CSMD1: variants seen among roughly 807,000 people sequenced by gnomAD.
CSMD1 encodes CUB and Sushi multiple domains 1, also known as CUB and sushi domain-containing protein 1.
CSMD1 carries 213 observed loss-of-function variants against 417.5 expected under a neutral mutation model. The observed-to-expected ratio is 0.51, with a 90% CI of 0.46 to 0.57. CSMD1 has a LOEUF of 0.57. CSMD1 is among the 20% of genes least tolerant of loss of function. CSMD1 has a pLI of 0.00. For missense variants in CSMD1, 6,923 were observed against 4,529.7 expected (o/e 1.53, Z -15.17); for synonymous variants, 2,862 against 1,736.8 (o/e 1.65, Z -16.11).
At chr8:3,791,678 C>A (rs988393406) in intron 5 of CSMD1, among the ~76,000 whole-genome samples, 6 of 152,110 alleles carry the variant, frequency 3.9e-5, no homozygotes, top group African/African-American at 1.4e-4. Flanking sequence ...CAAAAATTAG[C>A]TGGGCACGAT....
chr8:4,371,218 T>C lies in CSMD1; in HGVS notation c.415+48735A>G, dbSNP rs999440189. ...CTCAGCTCCACACTGCTGGGCTACATGCTCTCACCGTGGGGGATTAGGACC... is the reference window on the plus strand; with the variant it reads ...CTCAGCTCCACACTGCTGGGCTACACGCTCTCACCGTGGGGGATTAGGACC... On this transcript the variant is annotated intron_variant, in intron 3 of 69. Transcript: ENST00000635120. Among the ~76,000 whole-genome samples the C allele has an allele frequency of 2.6e-5, 4 of 152,178 alleles. No individual in the cohort carries two copies. The South Asian group carries it at 8.3e-4, about 31-fold the overall frequency.
rs535642508 is a variant in CSMD1, at chr8:2,939,292, T to C, written c.10536-548A>G. Reference sequence around the variant, plus strand: ...CATATGCCTAGCCTTTAGCACGGTATGCTTACACTAAATTTCAAGTTTAAG... The same window carrying C: ...CATATGCCTAGCCTTTAGCACGGTACGCTTACACTAAATTTCAAGTTTAAG... On this transcript the variant is annotated intron_variant, in intron 69 of 69. Transcript: ENST00000635120. Among the ~76,000 whole-genome samples the C allele has an allele frequency of 2.6e-5, 4 of 152,380 alleles. No individual in the cohort carries two copies. In the South Asian group the frequency reaches 8.3e-4, roughly 32 times the overall value.
Position 4,485,278 on chromosome 8 carries a change from G to A in CSMD1, c.303-65213C>T, listed in dbSNP as rs530067004. 4.6e-5 allele frequency among the ~76,000 whole-genome samples: 7 copies of A among 152,290 alleles called. No individual in the cohort carries two copies. The East Asian group carries it at 1.4e-3, about 29-fold the overall frequency. On this transcript the variant is annotated intron_variant, in intron 2 of 69. Coordinates refer to ENST00000635120, the MANE Select transcript of CSMD1 (RefSeq NM_033225.6). ...ATGTTCAAACTTGCTTGGAACGCCT[G>A]TCAGCTGAGAACATTTATCCCCAGT...
intron 3 of CSMD1, among the ~76,000 whole-genome samples, chr8:4,300,228 G>A (rs1466854815): frequency 6.6e-6 from 1 of 152,176 alleles, no homozygotes; most frequent in Non-Finnish European, 1.5e-5. Context: ...TTTTGATAAT[G>A]TATAAAGTCG....
intron 1 of CSMD1, among the ~76,000 whole-genome samples, chr8:4,684,054 G>A (rs1806218046): frequency 1.3e-5 from 2 of 152,278 alleles, no homozygotes; most frequent in South Asian, 2.1e-4. Flanking sequence ...TACAATTTTT[G>A]TAAGTTTAGA....
Position 4,335,642 on chromosome 8 carries a change from T to C in CSMD1, c.415+84311A>G, listed in dbSNP as rs145354786. Among the ~76,000 whole-genome samples the C allele has an allele frequency of 4.7e-4, 72 of 152,246 alleles. 1 individual carries two copies. In the East Asian group the frequency reaches 0.013, roughly 27 times the overall value. ...TTCATGTATTTATTCAAATATTTAA[T>C]AAAATGAAAAGTTGCTGGGAGCATG... On this transcript the variant is annotated intron_variant, in intron 3 of 69. Transcript: ENST00000635120.
At chr8:3,037,460 G>A (rs1024734342) in intron 50 of CSMD1, among the ~76,000 whole-genome samples, 15 of 152,078 alleles carry the variant, frequency 9.9e-5, no homozygotes, top group African/African-American at 2.7e-4. Context: ...CGCCCGCCTC[G>A]GCCTCCCTAT....
chr8:3,976,300 A>T (rs562793598), intron 5 of CSMD1, among the ~76,000 whole-genome samples: 1 of 152,096 alleles, frequency 6.6e-6, no homozygotes, highest in East Asian at 1.9e-4. Flanking sequence ...TATACTTATC[A>T]TTTTTTTCTC....
intron 3 of CSMD1, among the ~76,000 whole-genome samples, chr8:4,219,793 T>C (rs766734924): frequency 1.8e-4 from 28 of 152,222 alleles, no homozygotes; most frequent in Non-Finnish European, 2.9e-4. Context: ...ATAGCCATTA[T>C]GTATTAATGT....
At chr8:4,345,500 A>G (rs1800728508) in intron 3 of CSMD1, among the ~76,000 whole-genome samples, 1 of 151,898 alleles carries the variant, frequency 6.6e-6, no homozygotes, top group African/African-American at 2.4e-5. Context: ...TAGCAAAGGA[A>G]ACAGTGACAA....
intron 3 of CSMD1, among the ~76,000 whole-genome samples, chr8:4,180,559 C>G (rs1310250127): frequency 6.6e-6 from 1 of 150,990 alleles, no homozygotes; most frequent in Non-Finnish European, 1.5e-5. Context: ...CACATGTACC[C>G]TAAAACTTAA....
At chr8:3,278,451 A>G (rs1402412112) in intron 26 of CSMD1, 1 of 152,210 alleles carries the variant, frequency 6.6e-6, no homozygotes, top group Admixed American at 6.5e-5. Flanking sequence ...CTACTAAGAA[A>G]TCTCATTTAA....
intron 12 of CSMD1, among the ~76,000 whole-genome samples, chr8:3,448,642 C>A (rs569341092): frequency 5.9e-5 from 9 of 152,062 alleles, no homozygotes; most frequent in Non-Finnish European, 1.3e-4. Flanking sequence ...GGGCAAGGAG[C>A]GGGGCAGCAT....
intron 5 of CSMD1, among the ~76,000 whole-genome samples, chr8:3,852,338 G>C (rs80093083): frequency 6.6e-6 from 1 of 152,066 alleles, no homozygotes; most frequent in Non-Finnish European, 1.5e-5. Flanking sequence ...AGAATGGCCC[G>C]AAGGAAGCAG....
At chr8:3,388,765 G>A (rs1292418339) in intron 17 of CSMD1, among the ~76,000 whole-genome samples, 1 of 152,166 alleles carries the variant, frequency 6.6e-6, no homozygotes, top group Non-Finnish European at 1.5e-5. Flanking sequence ...CAGTATGGCA[G>A]GAAAGCCTCC....
chr8:4,099,817 A>G (rs1326097076), intron 3 of CSMD1, among the ~76,000 whole-genome samples: 1 of 152,132 alleles, frequency 6.6e-6, no homozygotes, highest in Admixed American at 6.6e-5. Flanking sequence ...TAAATCCCTG[A>G]TTGTATCCAC....
intron 1 of CSMD1, among the ~76,000 whole-genome samples, chr8:4,929,359 G>C (rs1353423198): frequency 6.6e-6 from 1 of 151,800 alleles, no homozygotes; most frequent in African/African-American, 2.4e-5. Flanking sequence ...TGTTATGGCA[G>C]CCCCAGCAAG....
chr8:4,451,622 G>T (rs1009561089), intron 2 of CSMD1, among the ~76,000 whole-genome samples: 8 of 152,098 alleles, frequency 5.3e-5, no homozygotes, highest in South Asian at 4.1e-4. Flanking sequence ...ATTCAAGAAG[G>T]AATCTACTAG....
At chr8:4,531,645 C>T (rs530656322) in intron 2 of CSMD1, among the ~76,000 whole-genome samples, 10 of 152,108 alleles carry the variant, frequency 6.6e-5, no homozygotes, top group East Asian at 3.9e-4. Context: ...CATGGCCCCA[C>T]GCTAGCTCTG....
Sources: allele counts gnomAD v4.1 joint callset (sites outside exome capture counted in the v4.1 genomes callset), GRCh38; gene constraint gnomAD v4.1.1; transcripts MANE v1.5; gene names NCBI Gene and HGNC (gene_info 2026-07-23, HGNC 2026-07-21).